The following HS6ST3 variants were observed in gnomAD, a reference collection of about 807,000 sequenced individuals.
HS6ST3 encodes heparan-sulfate 6-O-sulfotransferase 3.
In HS6ST3, 12 loss-of-function variants were observed where a neutral mutation model predicts 36.7. That is an observed-to-expected ratio of 0.33 (90% CI 0.21 to 0.53). The LOEUF (loss-of-function observed/expected upper bound fraction) is 0.53. HS6ST3 is among the 20% of genes least tolerant of loss of function. HS6ST3 has a pLI of 0.95. For missense variants in HS6ST3, 584 were observed against 640.9 expected (o/e 0.91, Z 0.96); for synonymous variants, 240 against 257.5 (o/e 0.93, Z 0.65).
intron 1 of HS6ST3, among the ~76,000 whole-genome samples, chr13:96,246,481 T>A (rs2054585440): frequency 6.6e-6 from 1 of 152,210 alleles, no homozygotes; most frequent in Non-Finnish European, 1.5e-5. Flanking sequence ...CTGGGGACAG[T>A]CCTGTAGAAT....
At chr13:96,641,485 C>T (rs1056770777) in intron 1 of HS6ST3, among the ~76,000 whole-genome samples, 1 of 151,760 alleles carries the variant, frequency 6.6e-6, no homozygotes, top group Admixed American at 6.6e-5. Context: ...TTAATTGAAA[C>T]ATTCACTCCA....
At chr13:96,736,346 G>A (rs1876284081) in intron 1 of HS6ST3, among the ~76,000 whole-genome samples, 4 of 152,202 alleles carry the variant, frequency 2.6e-5, no homozygotes, top group Admixed American at 2.6e-4. Context: ...CAACATTGTT[G>A]ATATCAGATG....
intron 1 of HS6ST3, among the ~76,000 whole-genome samples, chr13:96,371,211 T>A (rs555901615): frequency 1.3e-5 from 2 of 152,188 alleles, no homozygotes; most frequent in Non-Finnish European, 2.9e-5. Flanking sequence ...ATTATCAACC[T>A]TTAACATTTT....
chr13:96,639,501 A>G (rs544309685), intron 1 of HS6ST3, among the ~76,000 whole-genome samples: 1 of 152,018 alleles, frequency 6.6e-6, no homozygotes, highest in Non-Finnish European at 1.5e-5. Context: ...TTAATAATAC[A>G]TCTATTAAAC....
intron 1 of HS6ST3, among the ~76,000 whole-genome samples, chr13:96,772,397 G>A (rs572798525): frequency 1.3e-5 from 2 of 152,248 alleles, no homozygotes; most frequent in South Asian, 2.1e-4. Context: ...AGAGAGCAAG[G>A]TTATATTGAG....
Position 96,486,717 on chromosome 13 carries a change from G to A in HS6ST3, c.708-345773G>A, listed in dbSNP as rs570552816. Among the ~76,000 whole-genome samples, 68 of 152,048 alleles carry A rather than the reference G, an allele frequency of 4.5e-4. 2 individuals are homozygous for A. In the South Asian group the frequency reaches 0.012, roughly 27 times the overall value. ...TGCCCACTTTTTGATGGGGTTGTTC[G>A]TTTTTTTCTTGTAAATTTAGGAGCT... On this transcript the variant is annotated intron_variant, in intron 1 of 1. Coordinates refer to ENST00000376705, the MANE Select transcript of HS6ST3 (RefSeq NM_153456.4).
chr13:96,122,487 G>T (rs2053930698), intron 1 of HS6ST3, among the ~76,000 whole-genome samples: 1 of 152,014 alleles, frequency 6.6e-6, no homozygotes, highest in Non-Finnish European at 1.5e-5. Context: ...TGCTCACATT[G>T]TTGTATAGGA....
At chr13:96,729,826 A>C (rs935923053) in intron 1 of HS6ST3, among the ~76,000 whole-genome samples, 1 of 152,136 alleles carries the variant, frequency 6.6e-6, no homozygotes, top group African/African-American at 2.4e-5. Context: ...TACACTTTCT[A>C]TACTCAAAAC....
intron 1 of HS6ST3, among the ~76,000 whole-genome samples, chr13:96,659,585 A>C (rs1029416906): frequency 1.3e-5 from 2 of 152,046 alleles, no homozygotes; most frequent in African/African-American, 4.8e-5. Context: ...CTAAGGTATG[A>C]AGATATATGT....
chr13:96,259,484 T>A (rs1217088952), intron 1 of HS6ST3, among the ~76,000 whole-genome samples: 1 of 152,178 alleles, frequency 6.6e-6, no homozygotes, highest in Non-Finnish European at 1.5e-5. Context: ...GACAGGACTT[T>A]GGGGCTGATT....
intron 1 of HS6ST3, among the ~76,000 whole-genome samples, chr13:96,343,419 G>A (rs2055139569): frequency 6.6e-6 from 1 of 152,100 alleles, no homozygotes; most frequent in South Asian, 2.1e-4. Context: ...GCAAGTAATA[G>A]GAAGTTGAGC....
At chr13:96,323,332 A>C (rs370989519) in intron 1 of HS6ST3, among the ~76,000 whole-genome samples, 7 of 152,182 alleles carry the variant, frequency 4.6e-5, no homozygotes, top group African/African-American at 1.7e-4. Context: ...ATCTTGTATT[A>C]TCTCTAACAT....
intron 1 of HS6ST3, among the ~76,000 whole-genome samples, chr13:96,598,299 A>G (rs559909997): frequency 6.6e-6 from 1 of 152,008 alleles, no homozygotes. Flanking sequence ...GATTCTTCCA[A>G]CCCATGAGCA....
intron 1 of HS6ST3, among the ~76,000 whole-genome samples, chr13:96,825,193 CTG>C (rs1878623149): frequency 6.6e-6 from 1 of 152,184 alleles, no homozygotes; most frequent in South Asian, 2.1e-4. Context: ...ATTTAATAAA[CTG>C]TTGTGAACCT....
At chr13:96,730,857 CTG>C (rs1403229884) in intron 1 of HS6ST3, among the ~76,000 whole-genome samples, 1 of 152,136 alleles carries the variant, frequency 6.6e-6, no homozygotes, top group Admixed American at 6.5e-5. Flanking sequence ...CCTCAGCTTC[CTG>C]TAGCTAGGGT....
chr13:96,407,541 T>A (rs928859138), intron 1 of HS6ST3, among the ~76,000 whole-genome samples: 1 of 152,210 alleles, frequency 6.6e-6, no homozygotes, highest in Admixed American at 6.5e-5. Flanking sequence ...CCTGGTTAGA[T>A]AGGTTGTATT....
intron 1 of HS6ST3, among the ~76,000 whole-genome samples, chr13:96,337,179 C>T (rs1284908492): frequency 6.6e-6 from 1 of 152,238 alleles, no homozygotes; most frequent in South Asian, 2.1e-4. Context: ...CATTCTCCTG[C>T]CTCAGCCTCC....
rs142180180 is a variant in HS6ST3, at chr13:96,478,639, A to G, written c.708-353851A>G. ...CAATAATAATAATAACAAGAATACT[A>G]TTAGACCTACCATTTATATTTAGCG... On this transcript the variant is annotated intron_variant, in intron 1 of 1. Transcript: ENST00000376705. Among the ~76,000 whole-genome samples, 773 of 152,234 alleles carry G rather than the reference A, an allele frequency of 5.1e-3. 10 individuals are homozygous for G. The highest frequency in any genetic ancestry group is 0.017 in the African/African-American group (716 of 41,546).
chr13:96,797,314 C>T (rs942918809), intron 1 of HS6ST3, among the ~76,000 whole-genome samples: 11 of 151,996 alleles, frequency 7.2e-5, no homozygotes, highest in African/African-American at 2.2e-4. Flanking sequence ...TCCCAGTAAA[C>T]GGGGTCCTGC....
Sources: gnomAD v4.1 joint callset for allele counts (sites outside exome capture counted in the v4.1 genomes callset) on GRCh38, gnomAD v4.1.1 for gene constraint, MANE v1.5 for transcripts, NCBI Gene and HGNC (gene_info 2026-07-23, HGNC 2026-07-21) for gene names.